CFAP74: variants seen among roughly 807,000 people sequenced by gnomAD.
The protein encoded by CFAP74 is cilia and flagella associated protein 74.
Under a neutral mutation model 188.9 loss-of-function variants are expected in CFAP74, and 124 were observed. That is an observed-to-expected ratio of 0.66 (90% confidence interval 0.57 to 0.76). CFAP74 has a LOEUF of 0.76. CFAP74 is among the 30% of genes least tolerant of loss of function. The pLI is 0.00. For missense variants in CFAP74, 2,198 were observed against 2,165.2 expected (o/e 1.02, Z -0.30); for synonymous variants, 956 against 916.7 (o/e 1.04, Z -0.77).
Position 1,944,462 on chromosome 1 carries a change from G to A in CFAP74, c.2365-10C>T. On this transcript the variant is annotated splice_polypyrimidine_tract_variant and intron_variant, in intron 20 of 38. Transcript: ENST00000682832. ...CGACCCTGAAATGCAGCTGCATATG[G>A]ACACAGGAGCTCAGCAACAGGAGTT... 1 of 1,535,622 alleles carries A rather than the reference G, an allele frequency of 6.5e-7. No individual in the cohort carries two copies. Among genetic ancestry groups the A allele is most frequent in the Non-Finnish European group, 8.7e-7 (1 of 1,146,524 alleles).
intron 18 of CFAP74, among the ~76,000 whole-genome samples, chr1:1,949,922 C>T (rs4648597): frequency 0.073 from 11,146 of 152,196 alleles, 571 homozygotes; most frequent in South Asian, 0.19. Flanking sequence ...ACTCCCCACG[C>T]GTGGGACATT....
intron 11 of CFAP74, 80 bp from the exon 12 acceptor site, chr1:1,966,606 G>T: frequency 1.5e-6 from 2 of 1,313,438 alleles, no homozygotes; most frequent in East Asian, 5.5e-5. Context: ...AGCCCCCGCC[G>T]GTATGGCCCG....
intron 18 of CFAP74, among the ~76,000 whole-genome samples, chr1:1,948,412 A>AATATATAAATAT (rs1653931146): frequency 6.9e-6 from 1 of 144,408 alleles, no homozygotes; most frequent in African/African-American, 2.6e-5. Flanking sequence ...GGCATATATA[A>AATATATAAATAT]ATATATATAT....
At chr1:1,948,124 G>A (rs28671104) in intron 18 of CFAP74, among the ~76,000 whole-genome samples, 4 of 151,764 alleles carry the variant, frequency 2.6e-5, no homozygotes, top group Non-Finnish European at 5.9e-5. Context: ...GCCCACCTTG[G>A]CCTCCCAAAG....
intron 34 of CFAP74, 150 bp from the exon 35 acceptor site, chr1:1,924,079 T>A: frequency 2.0e-6 from 1 of 491,520 alleles, no homozygotes; most frequent in Non-Finnish European, 3.0e-6. Flanking sequence ...CGCCCCCCAC[T>A]CCTCCCATGG....
At chr1:1,997,435 A>AC (rs2102119665) in intron 1 of CFAP74, among the ~76,000 whole-genome samples, 1 of 152,198 alleles carries the variant, frequency 6.6e-6, no homozygotes, top group East Asian at 1.9e-4. Context: ...AAAAAAAAAA[A>AC]AGGAAATAAA....
chr1:1,971,916 G>A (rs1656106621), intron 9 of CFAP74, 64 bp downstream of exon 9: 1 of 1,286,772 alleles, frequency 7.8e-7, no homozygotes, highest in Non-Finnish European at 1.1e-6. Context: ...CAAGGAGCAG[G>A]GGCCCAGGGA....
intron 1 of CFAP74, among the ~76,000 whole-genome samples, chr1:1,993,848 G>A (rs529323713): frequency 4.6e-4 from 70 of 151,232 alleles, no homozygotes; most frequent in Admixed American, 4.2e-3. Flanking sequence ...CGGGCGTGGT[G>A]GCGGGCGCCT....
chr1:1,971,739 G>A (rs1480963205), intron 9 of CFAP74, among the ~76,000 whole-genome samples: 2 of 152,270 alleles, frequency 1.3e-5, no homozygotes, highest in African/African-American at 4.8e-5. Context: ...AACAAGACCA[G>A]GCCCCATGGG....
Position 1,946,530 on chromosome 1 carries a change from T to G in CFAP74, c.2242-91A>C, listed in dbSNP as rs1653788892. 2.1e-6 allele frequency: 3 copies of G among 1,431,506 alleles called. No individual in the cohort carries two copies. The Admixed American group carries it at 7.7e-5, about 37-fold the overall frequency. The allele number at this position is 1,431,506 out of a possible 1,614,324, so 88.7% of individuals were successfully genotyped here. On this transcript the variant is annotated intron_variant, in intron 19 of 38. Coordinates refer to ENST00000682832, the MANE Select transcript of CFAP74 (RefSeq NM_001304360.2). ...TCACAATGGCATGTTGCTGCAAGGA[T>G]GGAAGGTGGCAGGACCCGTGTCCCT...
chr1:1,922,164 G>A lies in CFAP74; in HGVS notation c.*123C>T, dbSNP rs185426095. ...GTGGCCGTGGCGCCATGTGGAGGGCGGCCTATTGGAATCTGGCAGAGGATG... is the reference window on the plus strand; with the variant it reads ...GTGGCCGTGGCGCCATGTGGAGGGCAGCCTATTGGAATCTGGCAGAGGATG... On this transcript the variant is annotated 3_prime_UTR_variant, in exon 39 of 39. Coordinates refer to ENST00000682832, the MANE Select transcript of CFAP74 (RefSeq NM_001304360.2). The A allele has an allele frequency of 2.7e-4, 160 of 592,112 alleles. No individual in the cohort carries two copies. The African/African-American group carries it at 6.4e-3, about 24-fold the overall frequency. The allele number at this position is 592,112 out of a possible 1,614,324, so 36.7% of individuals were successfully genotyped here.
chr1:1,992,656 A>G (rs889792545), intron 1 of CFAP74, among the ~76,000 whole-genome samples: 1 of 150,488 alleles, frequency 6.6e-6, no homozygotes, highest in Non-Finnish European at 1.5e-5. Context: ...TTGTATTTTT[A>G]TTAGAGATGG....
rs992231317 is a variant in CFAP74 at position 1,947,061 on chromosome 1, G to C, written c.2177-7C>G. 12 of 1,534,764 alleles carry C rather than the reference G, an allele frequency of 7.8e-6. No homozygotes were observed. The highest frequency in any genetic ancestry group is 1.0e-5 in the Non-Finnish European group (12 of 1,145,642). ...GTGGTTAATCTCTCTGGTTCTGGAA[G>C]AGAAGGGGGATCCAGAGGTGAGGGT... On this transcript the variant is annotated splice_region_variant and splice_polypyrimidine_tract_variant and intron_variant, in intron 18 of 38. Transcript: ENST00000682832.
At chr1:1,976,137 G>C (rs563662156) in intron 6 of CFAP74, among the ~76,000 whole-genome samples, 3 of 152,152 alleles carry the variant, frequency 2.0e-5, no homozygotes, top group Admixed American at 6.5e-5. Flanking sequence ...TCGCCCCCAC[G>C]AGGGCAGGGC....
At position 1,923,340 on chromosome 1, in the gene CFAP74, C is replaced by A; in HGVS notation, c.4522+27G>T. 1 of 1,545,822 alleles carries A rather than the reference C, an allele frequency of 6.5e-7. No homozygotes were observed. Among genetic ancestry groups the A allele is most frequent in the South Asian group, 1.2e-5 (1 of 84,278 alleles). On this transcript the variant is annotated intron_variant, in intron 36 of 38. Transcript: ENST00000682832. This position sits in a 1 kb window ranked among gnomAD's most constrained non-coding sequence, Gnocchi z 6.3. Reference sequence around the variant, plus strand: ...ACAGGGGCACCGGGAGGCCCCGTGTCTGTTCCCTCCCTGGGGAGGGGCTCA... The same window carrying A: ...ACAGGGGCACCGGGAGGCCCCGTGTATGTTCCCTCCCTGGGGAGGGGCTCA...
At chr1:1,934,125 A>G (rs1318758891) in intron 25 of CFAP74, among the ~76,000 whole-genome samples, 1 of 152,208 alleles carries the variant, frequency 6.6e-6, no homozygotes, top group Non-Finnish European at 1.5e-5. Flanking sequence ...TTCAGCACTC[A>G]AAGTCCTGCG....
At position 1,974,067 on chromosome 1, in the gene CFAP74, T is replaced by A; in HGVS notation, c.632A>T (p.Glu211Val). Reference sequence around the variant, plus strand: ...GTTCCGCTCCACCTTCCCCAGGGCCTCCTGCTCTCTGCAGAGCTGCTCGGC... The same window carrying A: ...GTTCCGCTCCACCTTCCCCAGGGCCACCTGCTCTCTGCAGAGCTGCTCGGC... ...RAAEQLCREQ[E>V]ALGKVERNRL... is the part of the protein sequence containing the mutation. Residue 211 changes from glutamate (E) to valine (V), a missense_variant, in exon 7 of 39, where the codon GAG becomes GTG. Coordinates refer to ENST00000682832, the MANE Select transcript of CFAP74 (RefSeq NM_001304360.2). The A allele has an allele frequency of 1.2e-6, 2 of 1,606,280 alleles. No individual in the cohort carries two copies. The highest frequency in any genetic ancestry group is 1.7e-6 in the Non-Finnish European group (2 of 1,175,278).
chr1:1,955,987 G>A (rs1405833868), intron 17 of CFAP74, 137 bp from the exon 18 acceptor site: 11 of 1,412,384 alleles, frequency 7.8e-6, no homozygotes, highest in South Asian at 7.5e-5. Flanking sequence ...CTGCCTCCTC[G>A]GCTGCCTGCT....
rs1651561332 is a variant in CFAP74 at position 1,923,499 on chromosome 1, T to C, written c.4390A>G (p.Lys1464Glu). The C allele has an allele frequency of 1.2e-6, 2 of 1,608,266 alleles. No individual in the cohort carries two copies. The highest frequency in any genetic ancestry group is 1.7e-6 in the Non-Finnish European group (2 of 1,176,446). The change falls in exon 36 of 39, where the codon AAA becomes GAA. Residue 1464 changes from lysine (K) to glutamate (E), a missense_variant and splice_region_variant. Lys to Glu is a moderately conservative substitution (Grantham distance 56). Transcript: ENST00000682832. The surrounding 1 kb of genome is among the most constrained non-coding windows in gnomAD (Gnocchi z 6.3). The part of the protein sequence containing the change: ...DKLQVVLFEK[K>E]ISHQILLKGA... The stretch of plus-strand genomic sequence containing the variant: ...TTCAGCAGGATCTGGTGGGAGATTT[T>C]CTGGGGACAAGAAGTGGAGTGGCCT...
Sources: gnomAD v4.1 joint callset for allele counts (sites outside exome capture counted in the v4.1 genomes callset) on GRCh38, gnomAD v4.1.1 for gene constraint, Gnocchi (gnomAD v3.1) non-coding constraint, MANE v1.5 for transcripts, NCBI Gene and HGNC (gene_info 2026-07-23, HGNC 2026-07-21) for gene names.